CAMTA1: variants seen among roughly 807,000 people sequenced by gnomAD.
CAMTA1 encodes calmodulin binding transcription activator 1.
CAMTA1 carries 27 observed loss-of-function variants against 170.9 expected under a neutral mutation model. The ratio of observed to expected loss-of-function variants is 0.16; its 90% CI spans 0.12 to 0.22. CAMTA1 has a LOEUF of 0.22. CAMTA1 is among the 10% of genes least tolerant of loss of function. The probability of loss-of-function intolerance (pLI) is 1.00; values close to 1 mark genes in which losing one functional copy is unlikely to be tolerated. For synonymous variants in CAMTA1, 833 were observed against 891.5 expected, an observed-to-expected ratio of 0.93 and a Z score of 1.17; for missense variants, 1,619 against 2,217.2, an observed-to-expected ratio of 0.73 and a Z score of 5.42.
At chr1:7,677,437 T>C (rs537492399) in intron 10 of CAMTA1, among the ~76,000 whole-genome samples, 162 bp from the exon 11 acceptor site, 2 of 152,244 alleles carry the variant, frequency 1.3e-5, no homozygotes, top group African/African-American at 4.8e-5. Context: ...AGAAGCAGCA[T>C]TGTGTTTGGG....
In CAMTA1 at chr1:7,363,463, A is replaced by G. The variant is rs1269504290; in HGVS notation, c.439-104367A>G. 2.0e-5 allele frequency among the ~76,000 whole-genome samples: 3 copies of G among 152,142 alleles called. No homozygotes were observed. In the East Asian group the frequency reaches 5.8e-4, roughly 29 times the overall value. On this transcript the variant is annotated intron_variant, in intron 5 of 22. Coordinates refer to ENST00000303635, the MANE Select transcript of CAMTA1 (RefSeq NM_015215.4). ...GAATGATCTGGGGGTGACCTTTTGT[A>G]GAACATCATCTGTCAGCCGAACTTC...
chr1:7,739,802 G>T (rs2096797834), intron 16 of CAMTA1, among the ~76,000 whole-genome samples: 1 of 152,048 alleles, frequency 6.6e-6, no homozygotes, highest in African/African-American at 2.4e-5. Context: ...TACAGTTCAA[G>T]ATTAGATTTG....
chr1:7,473,230 T>C (rs940932540), intron 6 of CAMTA1, among the ~76,000 whole-genome samples: 30 of 152,140 alleles, frequency 2.0e-4, no homozygotes, highest in African/African-American at 6.8e-4. Flanking sequence ...CCGGTTCCAC[T>C]CCTGCCCCAG....
intron 5 of CAMTA1, among the ~76,000 whole-genome samples, chr1:7,310,608 C>CTTTTCT (rs767385256): frequency 9.4e-5 from 1 of 10,616 alleles, no homozygotes; most frequent in Admixed American, 1.1e-3. Flanking sequence ...TCTTTTCTTT[C>CTTTTCT]TTTCTTTCTT....
chr1:7,214,928 C>A (rs1263993099), intron 4 of CAMTA1, among the ~76,000 whole-genome samples: 1 of 151,196 alleles, frequency 6.6e-6, no homozygotes, highest in African/African-American at 2.4e-5. Flanking sequence ...TATCTTTCAA[C>A]AAAGCTATCT....
chr1:7,147,378 C>T (rs1355026288), intron 4 of CAMTA1, among the ~76,000 whole-genome samples: 1 of 148,786 alleles, frequency 6.7e-6, no homozygotes, highest in Admixed American at 6.8e-5. Flanking sequence ...GAGCCGAGAT[C>T]GTGCCACTGC....
At chr1:6,822,840 G>A (rs1388439973) in intron 2 of CAMTA1, among the ~76,000 whole-genome samples, 8 of 146,822 alleles carry the variant, frequency 5.4e-5, no homozygotes, top group East Asian at 4.1e-4. Flanking sequence ...ACACACACAC[G>A]CACACTCTTT....
intron 4 of CAMTA1, among the ~76,000 whole-genome samples, chr1:7,096,322 G>A (rs573563527): frequency 6.6e-6 from 1 of 152,174 alleles, no homozygotes; most frequent in South Asian, 2.1e-4. Context: ...CCTGATGGTG[G>A]TGGACATCAA....
At chr1:7,314,878 C>T (rs1436094800) in intron 5 of CAMTA1, among the ~76,000 whole-genome samples, 1 of 152,158 alleles carries the variant, frequency 6.6e-6, no homozygotes, top group African/African-American at 2.4e-5. Context: ...AGCCTCTGAC[C>T]ACCAGAAAAC....
At chr1:7,598,557 G>A (rs1576318566) in intron 6 of CAMTA1, among the ~76,000 whole-genome samples, 1 of 152,200 alleles carries the variant, frequency 6.6e-6, no homozygotes, top group East Asian at 1.9e-4. Flanking sequence ...CACCAACAGT[G>A]TAAAAGTGTT....
chr1:7,324,327 T>C (rs1678942578), intron 5 of CAMTA1, among the ~76,000 whole-genome samples: 1 of 152,228 alleles, frequency 6.6e-6, no homozygotes. Flanking sequence ...TCCATTGTTT[T>C]ATTTTAAACA....
At chr1:7,557,174 A>G (rs2094890667) in intron 6 of CAMTA1, among the ~76,000 whole-genome samples, 1 of 151,952 alleles carries the variant, frequency 6.6e-6, no homozygotes, top group Admixed American at 6.6e-5. Context: ...GGGGCGTGGC[A>G]GTGTGTGCCT....
rs2093634530 is a variant in CAMTA1, at chr1:7,487,582, C to T, written c.510+19681C>T. ...GACCTGCCCGTGCTCTCTAGCATCC[C>T]ATTCAGATGCTGGACCTGCTGCAGC... On this transcript the variant is annotated intron_variant, in intron 6 of 22. Coordinates refer to ENST00000303635, the MANE Select transcript of CAMTA1 (RefSeq NM_015215.4). 2.0e-5 allele frequency among the ~76,000 whole-genome samples: 3 copies of T among 152,174 alleles called. No individual in the cohort carries two copies. In the South Asian group the frequency reaches 6.2e-4, roughly 32 times the overall value.
chr1:7,629,035 G>C (rs2095651490), intron 6 of CAMTA1, among the ~76,000 whole-genome samples: 1 of 152,210 alleles, frequency 6.6e-6, no homozygotes, highest in Non-Finnish European at 1.5e-5. Context: ...GTGCCCCTGC[G>C]AAAGGCCCAT....
chr1:7,515,197 C>T (rs934245340), intron 6 of CAMTA1, among the ~76,000 whole-genome samples: 5 of 152,160 alleles, frequency 3.3e-5, no homozygotes, highest in African/African-American at 9.7e-5. Flanking sequence ...TGGTCCTCCC[C>T]GGCTGCCTCC....
At chr1:6,984,699 G>A (rs2100269982) in intron 3 of CAMTA1, among the ~76,000 whole-genome samples, 1 of 152,362 alleles carries the variant, frequency 6.6e-6, no homozygotes, top group East Asian at 1.9e-4. Flanking sequence ...TGGCCGGATG[G>A]CCATTGACTC....
rs116220859 is a variant in CAMTA1 at position 7,090,979 on chromosome 1, A to G, written c.235-325A>G. On this transcript the variant is annotated intron_variant, in intron 3 of 22. Coordinates refer to ENST00000303635, the MANE Select transcript of CAMTA1 (RefSeq NM_015215.4). ...ATCGTGGAGAATTGTTGTTGTTGGCATGTGTTTTTCCCTCCCTAAATTAAT... is the reference window on the plus strand; with the variant it reads ...ATCGTGGAGAATTGTTGTTGTTGGCGTGTGTTTTTCCCTCCCTAAATTAAT... Among the ~76,000 whole-genome samples the G allele has an allele frequency of 7.0e-3, 1,071 of 152,286 alleles. 17 individuals carry two copies. Among genetic ancestry groups the G allele is most frequent in the African/African-American group, 0.025 (1,021 of 41,552 alleles).
At chr1:7,446,603 G>A (rs1221218867) in intron 5 of CAMTA1, among the ~76,000 whole-genome samples, 1 of 152,242 alleles carries the variant, frequency 6.6e-6, no homozygotes, top group Non-Finnish European at 1.5e-5. Context: ...GAGCTCATGT[G>A]GCTTGTAGTG....
chr1:7,588,296 G>T lies in CAMTA1; in HGVS notation c.511-52104G>T, dbSNP rs1006398410. 2.6e-5 allele frequency among the ~76,000 whole-genome samples: 4 copies of T among 151,088 alleles called. No homozygotes were observed. The highest frequency in any genetic ancestry group is 5.9e-5 in the Non-Finnish European group (4 of 68,036). On this transcript the variant is annotated intron_variant, in intron 6 of 22. Coordinates refer to ENST00000303635, the MANE Select transcript of CAMTA1 (RefSeq NM_015215.4). This position sits in a 1 kb window ranked among gnomAD's most constrained non-coding sequence, Gnocchi z 5.8. Reference sequence around the variant, plus strand: ...CCCACGCTGGTGTGGCCCTGCTGGGGACCCCGGGTCTGTCAGGTCTGGTGA... The same window carrying T: ...CCCACGCTGGTGTGGCCCTGCTGGGTACCCCGGGTCTGTCAGGTCTGGTGA...
Sources: allele counts gnomAD v4.1 joint callset (sites outside exome capture counted in the v4.1 genomes callset), GRCh38; gene constraint gnomAD v4.1.1; non-coding constraint Gnocchi (gnomAD v3.1); transcripts MANE v1.5; gene names NCBI Gene and HGNC (gene_info 2026-07-23, HGNC 2026-07-21).